The following XIRP2 variants were observed in gnomAD, a reference collection of about 807,000 sequenced individuals.
XIRP2 encodes xin actin-binding repeat-containing protein 2.
A neutral mutation model predicts 277.0 loss-of-function variants in XIRP2; 236 were observed. That is an observed-to-expected ratio of 0.85 (90% CI 0.77 to 0.95). XIRP2 has a LOEUF of 0.95. Among genes scored for constraint, XIRP2 ranks in the 40% least tolerant of loss-of-function variants. The pLI is 0.00. For synonymous variants in XIRP2, 1,490 were observed against 1,416.5 expected (o/e 1.05, Z -1.17); for missense variants, 4,640 against 4,157.5 (o/e 1.12, Z -3.19).
At chr2:166,978,535 A>T (rs1158999675) in intron 2 of XIRP2, among the ~76,000 whole-genome samples, 1 of 152,074 alleles carries the variant, frequency 6.6e-6, no homozygotes, top group Non-Finnish European at 1.5e-5. Flanking sequence ...TTATTTATTT[A>T]TTTTTAACTT....
intron 3 of XIRP2, among the ~76,000 whole-genome samples, chr2:167,191,185 CA>C (rs931552422): frequency 0.055 from 2,555 of 46,828 alleles, 27 homozygotes; most frequent in African/African-American, 0.12. Context: ...GACCCTGTCT[CA>C]AAAAAAAAAA....
chr2:167,169,605 C>G (rs912645651), intron 3 of XIRP2, among the ~76,000 whole-genome samples: 2 of 152,184 alleles, frequency 1.3e-5, no homozygotes, highest in Non-Finnish European at 1.5e-5. Context: ...CTTCTCAAGA[C>G]TGAGTGAGGG....
chr2:166,921,492 C>G (rs1006947216), intron 2 of XIRP2, among the ~76,000 whole-genome samples: 29 of 152,076 alleles, frequency 1.9e-4, no homozygotes, highest in Admixed American at 1.9e-3. Flanking sequence ...TTACATACAT[C>G]GCTCCATCAT....
Position 167,258,590 on chromosome 2 carries a change from G to T in XIRP2, c.*773G>T. The T allele has an allele frequency of 6.2e-7, 1 of 1,612,948 alleles. No homozygotes were observed. Among genetic ancestry groups the T allele is most frequent in the Non-Finnish European group, 8.5e-7 (1 of 1,179,550 alleles). On this transcript the variant is annotated 3_prime_UTR_variant, in exon 11 of 11. Transcript: ENST00000409195. The stretch of plus-strand genomic sequence containing the variant: ...AAATGAAAAAACTAACCAAACTAAT[G>T]GTGCAGAAGTTTTACAGGTTACTAA...
In XIRP2 at chr2:167,258,599, G is replaced by A. The variant is rs976032850; in HGVS notation, c.*782G>A. 2 of 1,612,908 alleles carry A rather than the reference G, an allele frequency of 1.2e-6. No individual in the cohort carries two copies. Among genetic ancestry groups the A allele is most frequent in the African/African-American group, 1.3e-5 (1 of 74,810 alleles). Reference sequence around the variant, plus strand: ...AACTAACCAAACTAATGGTGCAGAAGTTTTACAGGTTACTAACACTGATGA... The same window carrying A: ...AACTAACCAAACTAATGGTGCAGAAATTTTACAGGTTACTAACACTGATGA... On this transcript the variant is annotated 3_prime_UTR_variant, in exon 11 of 11. Coordinates refer to ENST00000409195, the MANE Select transcript of XIRP2 (RefSeq NM_152381.6).
At chr2:166,982,059 T>C (rs988277932) in intron 2 of XIRP2, among the ~76,000 whole-genome samples, 1 of 151,950 alleles carries the variant, frequency 6.6e-6, no homozygotes, top group Admixed American at 6.6e-5. Flanking sequence ...TTGTCCTAGT[T>C]TTCTTTTACT....
At chr2:166,964,360 A>G (rs1686373599) in intron 2 of XIRP2, among the ~76,000 whole-genome samples, 1 of 151,868 alleles carries the variant, frequency 6.6e-6, no homozygotes, top group Admixed American at 6.6e-5. Context: ...TAAGAGGTTG[A>G]AAATCTGTTT....
At chr2:167,000,018 C>T (rs895222807) in intron 2 of XIRP2, among the ~76,000 whole-genome samples, 3 of 152,042 alleles carry the variant, frequency 2.0e-5, no homozygotes, top group African/African-American at 7.2e-5. Flanking sequence ...AACTATGTTG[C>T]AAAATAAATT....
At chr2:167,031,895 T>C (rs1688371047) in intron 2 of XIRP2, among the ~76,000 whole-genome samples, 1 of 152,050 alleles carries the variant, frequency 6.6e-6, no homozygotes, top group Non-Finnish European at 1.5e-5. Context: ...AATTTATAGA[T>C]TCAGTGCTAC....
chr2:167,213,562 A>G (rs955226503), intron 4 of XIRP2, among the ~76,000 whole-genome samples: 2 of 152,258 alleles, frequency 1.3e-5, no homozygotes, highest in African/African-American at 4.8e-5. Flanking sequence ...TGCTGAGCCA[A>G]ATAATAAGAA....
intron 5 of XIRP2, among the ~76,000 whole-genome samples, chr2:167,231,844 A>G (rs950980908): frequency 6.6e-6 from 1 of 152,056 alleles, no homozygotes; most frequent in Non-Finnish European, 1.5e-5. Context: ...TAAGTATTTC[A>G]GAAGCAACAT....
chr2:166,911,548 C>T (rs566300107), intron 2 of XIRP2, among the ~76,000 whole-genome samples: 2 of 152,268 alleles, frequency 1.3e-5, no homozygotes, highest in Admixed American at 6.5e-5. Flanking sequence ...CCTGATGGGT[C>T]TTGACTCTTC....
At chr2:167,071,685 G>A (rs1198289891) in intron 2 of XIRP2, among the ~76,000 whole-genome samples, 1 of 152,074 alleles carries the variant, frequency 6.6e-6, no homozygotes, top group Non-Finnish European at 1.5e-5. Flanking sequence ...ACTATGTATG[G>A]CAGCAAACCA....
intron 2 of XIRP2, among the ~76,000 whole-genome samples, chr2:167,022,048 A>G (rs1687997912): frequency 6.6e-6 from 1 of 152,154 alleles, no homozygotes; most frequent in African/African-American, 2.4e-5. Flanking sequence ...CATGTAATAT[A>G]TTAATGATGG....
chr2:167,071,428 C>T (rs1187745430), intron 2 of XIRP2, among the ~76,000 whole-genome samples: 5 of 152,032 alleles, frequency 3.3e-5, no homozygotes, highest in African/African-American at 9.7e-5. Flanking sequence ...ATTATGGTTC[C>T]GACACGCCGG....
chr2:166,898,532 T>C (rs1046366255), intron 1 of XIRP2, among the ~76,000 whole-genome samples: 6 of 152,150 alleles, frequency 3.9e-5, no homozygotes, highest in African/African-American at 1.4e-4. Flanking sequence ...TCATTGGACA[T>C]AGCAAAGATA....
At chr2:167,014,839 C>G (rs757640361) in intron 2 of XIRP2, among the ~76,000 whole-genome samples, 2 of 151,728 alleles carry the variant, frequency 1.3e-5, no homozygotes, top group African/African-American at 2.4e-5. Flanking sequence ...AAGGTTAAAT[C>G]ACTTGCTTAA....
chr2:167,000,514 T>TG lies in XIRP2; in HGVS notation c.408+96624_408+96625insG, dbSNP rs201808558. 4.0e-3 allele frequency among the ~76,000 whole-genome samples: 461 copies of TG among 114,988 alleles called. 2 individuals carry two copies. Among genetic ancestry groups the TG allele is most frequent in the African/African-American group, 0.016 (436 of 26,828 alleles). 75.4% of individuals were successfully genotyped at this position (114,988 alleles called of 152,430 possible). A position where few individuals can be genotyped will look rare whatever the true frequency, so the allele number is the denominator to read the frequency against. ...TGGTTTTTGTTTTGGGGTTTTTTTG[T>TG]TTTTTTTTTTGTTTTATGATCAACA... On this transcript the variant is annotated intron_variant, in intron 2 of 10. Coordinates refer to ENST00000409195, the MANE Select transcript of XIRP2 (RefSeq NM_152381.6).
intron 2 of XIRP2, among the ~76,000 whole-genome samples, chr2:167,043,148 A>G (rs1333121903): frequency 6.6e-6 from 1 of 152,182 alleles, no homozygotes; most frequent in African/African-American, 2.4e-5. Context: ...AAACAAAGGT[A>G]TAATGTACCA....
Sources: allele counts gnomAD v4.1 joint callset (sites outside exome capture counted in the v4.1 genomes callset), GRCh38; gene constraint gnomAD v4.1.1; transcripts MANE v1.5; gene names NCBI Gene and HGNC (gene_info 2026-07-23, HGNC 2026-07-21).